Variants in KCNJ10 observed in about 807,000 individuals in gnomAD.
The protein encoded by KCNJ10 is ATP-sensitive inward rectifier potassium channel 10.
In KCNJ10, 9 loss-of-function variants were observed where a neutral mutation model predicts 22.2. The observed-to-expected ratio is 0.40, with a 90% CI of 0.24 to 0.71. The LOEUF (loss-of-function observed/expected upper bound fraction) is 0.71. KCNJ10 is among the 30% of genes least tolerant of loss of function. The probability of loss-of-function intolerance (pLI) is 0.35; values close to 1 mark genes in which losing one functional copy is unlikely to be tolerated. For synonymous variants in KCNJ10, 184 were observed against 187.3 expected (o/e 0.98, Z 0.15); for missense variants, 337 against 482.7 (o/e 0.70, Z 2.83).
At chr1:160,057,446 T>G (rs1474762556) in intron 1 of KCNJ10, among the ~76,000 whole-genome samples, 2 of 152,196 alleles carry the variant, frequency 1.3e-5, no homozygotes, top group Non-Finnish European at 2.9e-5. Context: ...TGAAGGGGAC[T>G]TCCAACCCAC....
chr1:160,055,238 A>G (rs1011414834), intron 1 of KCNJ10, among the ~76,000 whole-genome samples: 2 of 152,214 alleles, frequency 1.3e-5, no homozygotes, highest in African/African-American at 4.8e-5. Context: ...TGAAGTCTAC[A>G]AAACACTTGT....
rs137853066 is a variant in KCNJ10 at position 160,042,339 on chromosome 1, C to G, written c.194G>C (p.Arg65Pro). 1.2e-6 allele frequency: 2 copies of G among 1,612,962 alleles called. No homozygotes were observed. Among genetic ancestry groups the G allele is most frequent in the South Asian group, 2.2e-5 (2 of 91,062 alleles). ...LWTTFIDMQW[R>P]YKLLLFSATF... ...CGCAGAGAAGAGCAGAAGCTTGTAG[C>G]GCCACTGCATGTCAATGAAGGTTGT... is the stretch of plus-strand genomic sequence containing the variant. Residue 65 changes from arginine (R) to proline (P), a missense_variant, in exon 2 of 2, where the codon CGC (arginine) becomes CCC (proline). Physicochemically the swap from Arg to Pro is moderately radical, Grantham distance 103. Around this residue, in one of 3 missense-constraint regions of KCNJ10, gnomAD observed 107 missense variants for 135.2 expected, o/e 0.79. Coordinates refer to ENST00000644903, the MANE Select transcript of KCNJ10 (RefSeq NM_002241.5).
chr1:160,039,691 A>C lies in KCNJ10; in HGVS notation c.*1702T>G, dbSNP rs1451266594. On this transcript the variant is annotated 3_prime_UTR_variant, in exon 2 of 2. Transcript: ENST00000644903. ...CCTTGTGCAATTATAGTTGGTGGTG[A>C]TCATGGGTCTAGCCTCAAAATTTTG... 6.6e-6 allele frequency: 1 copy of C among 152,260 alleles called. No homozygotes were observed. The highest frequency in any genetic ancestry group is 1.5e-5 in the Non-Finnish European group (1 of 68,080). 9.4% of individuals were successfully genotyped at this position (152,260 alleles called of 1,614,324 possible).
chr1:160,049,254 C>G (rs1430579547), intron 1 of KCNJ10, among the ~76,000 whole-genome samples: 4 of 152,168 alleles, frequency 2.6e-5, no homozygotes, highest in African/African-American at 4.8e-5. Flanking sequence ...CAAACCCAGG[C>G]TGGCATATAA....
chr1:160,052,772 T>C (rs1229921804), intron 1 of KCNJ10, among the ~76,000 whole-genome samples: 1 of 152,220 alleles, frequency 6.6e-6, no homozygotes, highest in Non-Finnish European at 1.5e-5. Context: ...CTCTCGGATC[T>C]GTATTTCCTT....
chr1:160,047,394 A>G (rs1648767802), intron 1 of KCNJ10, among the ~76,000 whole-genome samples: 1 of 152,186 alleles, frequency 6.6e-6, no homozygotes, highest in South Asian at 2.1e-4. Flanking sequence ...CAGCAGGGAA[A>G]GTGCTTTATC....
Position 160,041,284 on chromosome 1 carries a change from G to A in KCNJ10, c.*109C>T, listed in dbSNP as rs1648593434. 1.8e-6 allele frequency: 2 copies of A among 1,130,766 alleles called. No individual in the cohort carries two copies. Among genetic ancestry groups the A allele is most frequent in the East Asian group, 2.6e-5 (1 of 39,152 alleles). The allele number at this position is 1,130,766 out of a possible 1,614,324, so 70.0% of individuals were successfully genotyped here. ...GCCACTGGGTTAAAGAAGAGGGAGT[G>A]GAGGATGGGTGCTTCGGGGGATCTC... On this transcript the variant is annotated 3_prime_UTR_variant, in exon 2 of 2. Coordinates refer to ENST00000644903, the MANE Select transcript of KCNJ10 (RefSeq NM_002241.5). The surrounding 1 kb of genome is among the most constrained non-coding windows in gnomAD (Gnocchi z 4.4).
chr1:160,049,722 T>TATATATATA (rs1553235666), intron 1 of KCNJ10, among the ~76,000 whole-genome samples: 12 of 122,876 alleles, frequency 9.8e-5, no homozygotes, highest in Non-Finnish European at 1.3e-4. Flanking sequence ...TATATATATG[T>TATATATATA]TATCCTAAAG....
intron 1 of KCNJ10, among the ~76,000 whole-genome samples, chr1:160,045,821 T>G (rs1318445044): frequency 6.6e-6 from 1 of 152,140 alleles, no homozygotes; most frequent in Admixed American, 6.5e-5. Flanking sequence ...GTGCAAATAT[T>G]TGGTTTGAAG....
At chr1:160,049,671 TTATTTATATA>T (rs1200669016) in intron 1 of KCNJ10, among the ~76,000 whole-genome samples, 2 of 55,500 alleles carry the variant, frequency 3.6e-5, no homozygotes, top group African/African-American at 1.3e-4. Flanking sequence ...AGCATTTTAT[TTATTTATATA>T]TATATATATA....
At chr1:160,050,854 G>T (rs1282630055) in intron 1 of KCNJ10, among the ~76,000 whole-genome samples, 1 of 152,042 alleles carries the variant, frequency 6.6e-6, no homozygotes, top group African/African-American at 2.4e-5. Flanking sequence ...CAGCTGCAGG[G>T]CCAGGGTCAG....
intron 1 of KCNJ10, among the ~76,000 whole-genome samples, chr1:160,049,691 A>ATATATATATATATATATATATATT (rs1648848608): frequency 2.6e-5 from 3 of 113,492 alleles, no homozygotes; most frequent in Non-Finnish European, 3.6e-5. Flanking sequence ...ATATATATAT[A>ATATATATATATATATATATATATT]TATATATATA....
At chr1:160,067,271 T>TG (rs1165771623) in intron 1 of KCNJ10, among the ~76,000 whole-genome samples, 2 of 152,140 alleles carry the variant, frequency 1.3e-5, no homozygotes, top group East Asian at 1.9e-4. Flanking sequence ...AAGGTTCTGA[T>TG]GGGGGAGGGG....
Position 160,040,192 on chromosome 1 carries a change from T to C in KCNJ10, c.*1201A>G, listed in dbSNP as rs1006384050. The C allele has an allele frequency of 8.3e-6, 2 of 241,268 alleles. No homozygotes were observed. The highest frequency in any genetic ancestry group is 1.6e-5 in the Non-Finnish European group (2 of 126,426). The allele number at this position is 241,268 out of a possible 1,614,324, so 14.9% of individuals were successfully genotyped here. Reference sequence around the variant, plus strand: ...CACTGGGAGGTGTAACTGAGAATAGTGGCTGCCAGCCACAGAGTTCTGCTC... The same window carrying C: ...CACTGGGAGGTGTAACTGAGAATAGCGGCTGCCAGCCACAGAGTTCTGCTC... On this transcript the variant is annotated 3_prime_UTR_variant, in exon 2 of 2. Coordinates refer to ENST00000644903, the MANE Select transcript of KCNJ10 (RefSeq NM_002241.5).
In KCNJ10 at chr1:160,038,229, T is replaced by A. The variant is rs1648522188; in HGVS notation, c.*3164A>T. 6.6e-6 allele frequency: 1 copy of A among 152,232 alleles called. No homozygotes were observed. The highest frequency in any genetic ancestry group is 1.5e-5 in the Non-Finnish European group (1 of 68,060). The allele number at this position is 152,232 out of a possible 1,614,324, so 9.4% of individuals were successfully genotyped here. A position where few individuals can be genotyped will look rare whatever the true frequency, so the allele number is the denominator to read the frequency against. On this transcript the variant is annotated 3_prime_UTR_variant, in exon 2 of 2. Transcript: ENST00000644903. ...CTCCCACCCCTGTGGAAGACGGAAA[T>A]ACAGTGTACTTCATGAAAGGGAAAC...
At chr1:160,048,987 T>C (rs1648814655) in intron 1 of KCNJ10, among the ~76,000 whole-genome samples, 1 of 152,194 alleles carries the variant, frequency 6.6e-6, no homozygotes, top group African/African-American at 2.4e-5. Flanking sequence ...CAATGAACAT[T>C]TATCCAGTAC....
intron 1 of KCNJ10, among the ~76,000 whole-genome samples, chr1:160,050,462 C>G (rs1648876379): frequency 6.6e-6 from 1 of 152,070 alleles, no homozygotes; most frequent in South Asian, 2.1e-4. Context: ...CCAGCAACTA[C>G]TGGGTGCCAA....
chr1:160,055,017 C>T (rs1281716844), intron 1 of KCNJ10, among the ~76,000 whole-genome samples: 1 of 152,180 alleles, frequency 6.6e-6, no homozygotes, highest in Admixed American at 6.5e-5. Flanking sequence ...CCCCAGTCCC[C>T]TGGGGCCACC....
At chr1:160,062,682 C>T (rs925101807) in intron 1 of KCNJ10, 3 of 152,200 alleles carry the variant, frequency 2.0e-5, no homozygotes, top group African/African-American at 7.2e-5. Context: ...TGGTCCCAGG[C>T]TGGGCTCTAG....
Sources: allele counts gnomAD v4.1 joint callset (sites outside exome capture counted in the v4.1 genomes callset), GRCh38; gene constraint gnomAD v4.1.1; regional missense constraint gnomAD v4.1.1; non-coding constraint Gnocchi (gnomAD v3.1); transcripts MANE v1.5; gene names NCBI Gene and HGNC (gene_info 2026-07-23, HGNC 2026-07-21).